The following PAPPA variants were observed in gnomAD, a reference collection of about 807,000 sequenced individuals.
PAPPA encodes pappalysin-1.
Under a neutral mutation model 164.0 loss-of-function variants are expected in PAPPA, and 60 were observed. The observed-to-expected ratio is 0.37, with a 90% CI of 0.30 to 0.45. The LOEUF (loss-of-function observed/expected upper bound fraction) is 0.45, where lower values mean the gene tolerates loss of function less well. Among genes scored for constraint, PAPPA ranks in the 20% least tolerant of loss-of-function variants. The pLI is 1.00. For missense variants in PAPPA, 1,782 were observed against 2,087.3 expected (o/e 0.85, Z 2.85); for synonymous variants, 875 against 814.1 (o/e 1.07, Z -1.27).
At position 116,401,325 on chromosome 9, in the gene PAPPA, C is replaced by G. The variant is rs892959505; in HGVS notation, c.*4709C>G. 10 of 152,592 alleles carry G rather than the reference C, an allele frequency of 6.6e-5. No individual in the cohort carries two copies. Among genetic ancestry groups the G allele is most frequent in the Non-Finnish European group, 1.2e-4 (8 of 68,026 alleles). 9.5% of individuals were successfully genotyped at this position (152,592 alleles called of 1,614,324 possible). ...AAGGGAGTCTCTAAAATCTCTTCTT[C>G]AGAAGGCACCTCACTTCTCAGACTT... On this transcript the variant is annotated 3_prime_UTR_variant, in exon 22 of 22. Coordinates refer to ENST00000328252, the MANE Select transcript of PAPPA (RefSeq NM_002581.5).
chr9:116,395,815 G>C (rs929875141), intron 21 of PAPPA, among the ~76,000 whole-genome samples: 2 of 152,162 alleles, frequency 1.3e-5, no homozygotes, highest in African/African-American at 4.8e-5. Flanking sequence ...CCCAGAAGGT[G>C]GTCTAGCTTC....
At chr9:116,159,501 A>T (rs1208376805) in intron 1 of PAPPA, among the ~76,000 whole-genome samples, 1 of 152,120 alleles carries the variant, frequency 6.6e-6, no homozygotes, top group Non-Finnish European at 1.5e-5. Flanking sequence ...CCTCTTTGAC[A>T]TGCTAGGATT....
At position 116,224,334 on chromosome 9, in the gene PAPPA, T is replaced by C. The variant is rs150695614; in HGVS notation, c.2112-3097T>C. ...ACAATTGGCCATGGTATATTGGAAA[T>C]AGTACTGGACTGAAAACCAAGAAAC... On this transcript the variant is annotated intron_variant, in intron 5 of 21. Coordinates refer to ENST00000328252, the MANE Select transcript of PAPPA (RefSeq NM_002581.5). Among the ~76,000 whole-genome samples the C allele has an allele frequency of 5.5e-3, 832 of 152,310 alleles. 10 individuals are homozygous for C. The highest frequency in any genetic ancestry group is 0.019 in the African/African-American group (806 of 41,560).
chr9:116,241,807 G>A (rs1461848233), intron 7 of PAPPA, among the ~76,000 whole-genome samples: 1 of 152,148 alleles, frequency 6.6e-6, no homozygotes, highest in Non-Finnish European at 1.5e-5. Flanking sequence ...GTCAGGTGAA[G>A]GCACAGGTGG....
At chr9:116,374,651 C>T (rs917203138) in intron 19 of PAPPA, among the ~76,000 whole-genome samples, 1 of 152,238 alleles carries the variant, frequency 6.6e-6, no homozygotes, top group Non-Finnish European at 1.5e-5. Flanking sequence ...CACCAAGACA[C>T]TCCTACAGAT....
intron 1 of PAPPA, among the ~76,000 whole-genome samples, chr9:116,156,320 G>GTGTATATATATATATGTA (rs1564169023): frequency 7.3e-6 from 1 of 137,578 alleles, no homozygotes; most frequent in African/African-American, 2.8e-5. Flanking sequence ...ATATATGTGT[G>GTGTATATATATATATGTA]TATATATATA....
In PAPPA at chr9:116,162,851, C is replaced by T. The variant is rs560890053; in HGVS notation, c.415+8264C>T. On this transcript the variant is annotated intron_variant, in intron 1 of 21. Transcript: ENST00000328252. The stretch of plus-strand genomic sequence containing the variant: ...CCAGGAATTGCCTTTTCCTCCCTTA[C>T]AACTCAGGAAAGAGTTATTGCTGTC... 4.6e-5 allele frequency among the ~76,000 whole-genome samples: 7 copies of T among 152,238 alleles called. No homozygotes were observed. In the East Asian group the frequency reaches 1.2e-3, roughly 25 times the overall value.
chr9:116,201,420 A>G lies in PAPPA; in HGVS notation c.1479-6036A>G, dbSNP rs146310517. ...TGGGCAATGTTACAGAATTTGCTCT[A>G]TGAGATGGAGAAACAGGACAACCTC... On this transcript the variant is annotated intron_variant, in intron 2 of 21. Coordinates refer to ENST00000328252, the MANE Select transcript of PAPPA (RefSeq NM_002581.5). 1.9e-3 allele frequency among the ~76,000 whole-genome samples: 295 copies of G among 152,314 alleles called. 1 individual carries two copies. The highest frequency in any genetic ancestry group is 6.8e-3 in the African/African-American group (283 of 41,572).
chr9:116,323,972 G>A (rs1312937615), intron 10 of PAPPA, among the ~76,000 whole-genome samples: 1 of 152,130 alleles, frequency 6.6e-6, no homozygotes, highest in Non-Finnish European at 1.5e-5. Context: ...TCTTTCTACT[G>A]TATCACTCCA....
At chr9:116,229,597 G>T (rs529589850) in intron 6 of PAPPA, among the ~76,000 whole-genome samples, 2 of 152,354 alleles carry the variant, frequency 1.3e-5, no homozygotes, top group South Asian at 4.1e-4. Flanking sequence ...AGACAGATGA[G>T]ATAGATAATG....
chr9:116,283,574 T>A (rs1845292696), intron 9 of PAPPA, among the ~76,000 whole-genome samples: 1 of 152,154 alleles, frequency 6.6e-6, no homozygotes, highest in Non-Finnish European at 1.5e-5. Flanking sequence ...CTGAATGGGA[T>A]GCTCTTCAAG....
At chr9:116,377,358 A>C (rs1412939141) in intron 19 of PAPPA, among the ~76,000 whole-genome samples, 1 of 152,180 alleles carries the variant, frequency 6.6e-6, no homozygotes, top group Non-Finnish European at 1.5e-5. Context: ...TGCCAGGGAA[A>C]TACAGAACCA....
At chr9:116,299,604 C>T (rs1335163041) in intron 9 of PAPPA, among the ~76,000 whole-genome samples, 1 of 152,054 alleles carries the variant, frequency 6.6e-6, no homozygotes, top group Non-Finnish European at 1.5e-5. Context: ...GAAAGTGATA[C>T]CAAGAATTAG....
chr9:116,190,401 A>G (rs1351344329), intron 2 of PAPPA, among the ~76,000 whole-genome samples: 1 of 152,176 alleles, frequency 6.6e-6, no homozygotes, highest in Non-Finnish European at 1.5e-5. Context: ...GAAAGTGGAT[A>G]CCCTTAGCCC....
At chr9:116,240,402 A>G (rs1352537967) in intron 7 of PAPPA, among the ~76,000 whole-genome samples, 1 of 152,188 alleles carries the variant, frequency 6.6e-6, no homozygotes, top group Non-Finnish European at 1.5e-5. Flanking sequence ...CTAAACTTAG[A>G]ACTAGAATAT....
chr9:116,253,675 T>C (rs565306318), intron 7 of PAPPA, among the ~76,000 whole-genome samples: 2 of 152,292 alleles, frequency 1.3e-5, no homozygotes, highest in East Asian at 1.9e-4. Flanking sequence ...AAGGCATACA[T>C]AGTCATCACT....
At chr9:116,317,313 T>C (rs1845799301) in intron 10 of PAPPA, among the ~76,000 whole-genome samples, 1 of 152,176 alleles carries the variant, frequency 6.6e-6, no homozygotes, top group African/African-American at 2.4e-5. Context: ...TTGGATGTGA[T>C]CATCACTTTC....
rs1286826592 is a variant in PAPPA, at chr9:116,271,952, G to A, written c.2953+536G>A. ...TGCAGGAACCACCAAGGTCCCCTCT[G>A]CAGACTCAGAACCTTGGGCAGTCTC... On this transcript the variant is annotated intron_variant, in intron 9 of 21. Coordinates refer to ENST00000328252, the MANE Select transcript of PAPPA (RefSeq NM_002581.5). This position sits in a 1 kb window ranked among gnomAD's most constrained non-coding sequence, Gnocchi z 4.2. Among the ~76,000 whole-genome samples the A allele has an allele frequency of 6.6e-6, 1 of 152,202 alleles. No individual in the cohort carries two copies. The highest frequency in any genetic ancestry group is 1.5e-5 in the Non-Finnish European group (1 of 68,040).
At chr9:116,319,183 C>A (rs576881631) in intron 10 of PAPPA, among the ~76,000 whole-genome samples, 2 of 152,196 alleles carry the variant, frequency 1.3e-5, no homozygotes, top group East Asian at 3.9e-4. Flanking sequence ...AGGGAGCAGG[C>A]CTGCGGAGGG....
Sources: gnomAD v4.1 joint callset for allele counts (sites outside exome capture counted in the v4.1 genomes callset) on GRCh38, gnomAD v4.1.1 for gene constraint, Gnocchi (gnomAD v3.1) non-coding constraint, MANE v1.5 for transcripts, NCBI Gene and HGNC (gene_info 2026-07-23, HGNC 2026-07-21) for gene names.